ATXN2: variants seen among roughly 807,000 people sequenced by gnomAD.
The protein encoded by ATXN2 is ataxin 2.
A neutral mutation model predicts 138.6 loss-of-function variants in ATXN2; 37 were observed. That is an observed-to-expected ratio of 0.27 (90% CI 0.21 to 0.35). The LOEUF (loss-of-function observed/expected upper bound fraction) is 0.35, where lower values mean the gene tolerates loss of function less well. Among genes scored for constraint, ATXN2 ranks in the 10% least tolerant of loss-of-function variants. The pLI, the probability that ATXN2 is intolerant of heterozygous loss-of-function variation, is 1.00. For missense variants in ATXN2, 1,216 were observed against 1,480.3 expected (o/e 0.82, Z 2.93); for synonymous variants, 549 against 543.7 (o/e 1.01, Z -0.13).
chr12:111,538,106 A>G (rs75639973), intron 5 of ATXN2, among the ~76,000 whole-genome samples: 1 of 143,768 alleles, frequency 7.0e-6, no homozygotes, highest in East Asian at 2.0e-4. Context: ...AAAATAGAAG[A>G]AAAAAAAAAA....
rs1375690844 is a variant in ATXN2 at position 111,486,694 on chromosome 12, A to G, written c.2304+67T>C. The G allele has an allele frequency of 3.0e-6, 4 of 1,352,714 alleles. No homozygotes were observed. The African/African-American group carries it at 5.8e-5, about 20-fold the overall frequency. The allele number at this position is 1,352,714 out of a possible 1,614,324, so 83.8% of individuals were successfully genotyped here. On this transcript the variant is annotated intron_variant, in intron 16 of 24. Transcript: ENST00000673436. ...AAAATTCAGATGGCAGGTATGGAAG[A>G]AGGACTATTACTAATAATTTTTCTT...
At chr12:111,497,602 G>A (rs974972717) in intron 14 of ATXN2, among the ~76,000 whole-genome samples, 1 of 151,374 alleles carries the variant, frequency 6.6e-6, no homozygotes, top group East Asian at 1.9e-4. Flanking sequence ...CATCTTAACA[G>A]AATAAAAGAC....
chr12:111,591,170 T>C (rs1293702134), intron 1 of ATXN2, among the ~76,000 whole-genome samples: 1 of 152,066 alleles, frequency 6.6e-6, no homozygotes, highest in East Asian at 1.9e-4. Context: ...ATTACAGGCG[T>C]GAGCCACCGT....
At chr12:111,566,486 C>A (rs1214695287) in intron 1 of ATXN2, among the ~76,000 whole-genome samples, 1 of 151,304 alleles carries the variant, frequency 6.6e-6, no homozygotes, top group Non-Finnish European at 1.5e-5. Context: ...AAGGCTACTA[C>A]TGCCATTCAT....
intron 14 of ATXN2, among the ~76,000 whole-genome samples, chr12:111,507,210 G>T (rs1879189594): frequency 6.6e-6 from 1 of 151,770 alleles, no homozygotes; most frequent in African/African-American, 2.4e-5. Context: ...ATCCCGTCTA[G>T]GAAGTGAGGA....
chr12:111,485,209 TACTC>T (rs1289392367), intron 18 of ATXN2, 52 bp downstream of exon 18: 37 of 1,486,604 alleles, frequency 2.5e-5, no homozygotes, highest in Non-Finnish European at 3.4e-5. Flanking sequence ...TAAACTTAGT[TACTC>T]AATTCATGCA....
At chr12:111,597,947 C>A in intron 1 of ATXN2, 2 of 1,248,284 alleles carry the variant, frequency 1.6e-6, no homozygotes, top group South Asian at 1.3e-5. Context: ...TCCACTGCGG[C>A]CTCGAACAGC....
chr12:111,515,767 CA>C lies in ATXN2; in HGVS notation c.1375+386del, dbSNP rs1354386182. 2.0e-5 allele frequency among the ~76,000 whole-genome samples: 3 copies of C among 152,276 alleles called. No homozygotes were observed. In the East Asian group the frequency reaches 5.8e-4, roughly 29 times the overall value. ...CCTGCTTATGGCCAATAGGAAGGTTCACTAGGACCTTGGCCAAAGAGCTGTA... is the reference window on the plus strand; with the variant it reads ...CCTGCTTATGGCCAATAGGAAGGTTCCTAGGACCTTGGCCAAAGAGCTGTA... On this transcript the variant is annotated intron_variant, in intron 10 of 24. Coordinates refer to ENST00000673436, the MANE Select transcript of ATXN2 (RefSeq NM_001372574.1).
chr12:111,504,462 T>C (rs1262953313), intron 14 of ATXN2, among the ~76,000 whole-genome samples: 1 of 152,136 alleles, frequency 6.6e-6, no homozygotes, highest in African/African-American at 2.4e-5. Flanking sequence ...AGGTAATTTT[T>C]GTATTTTTAG....
At chr12:111,553,124 T>C in intron 3 of ATXN2, 147 bp from the exon 4 acceptor site, 1 of 465,680 alleles carries the variant, frequency 2.1e-6, no homozygotes, top group Non-Finnish European at 3.6e-6. Context: ...TTCAAAACAT[T>C]AACAATACAC....
At chr12:111,597,746 C>A in intron 1 of ATXN2, 1 of 804,044 alleles carries the variant, frequency 1.2e-6, no homozygotes, top group Non-Finnish European at 1.8e-6. Flanking sequence ...AGTAAACACC[C>A]GCCTTTCTGC....
chr12:111,466,915 T>C (rs1250356355), intron 20 of ATXN2, among the ~76,000 whole-genome samples: 2 of 152,064 alleles, frequency 1.3e-5, no homozygotes, highest in African/African-American at 2.4e-5. Context: ...ATATTTAATA[T>C]ATTTATAAAA....
intron 14 of ATXN2, among the ~76,000 whole-genome samples, chr12:111,491,586 G>C (rs529323026): frequency 1.3e-5 from 2 of 152,200 alleles, no homozygotes; most frequent in Admixed American, 6.5e-5. Flanking sequence ...ACCAAGCATA[G>C]TTCTGAAGCC....
chr12:111,581,798 G>C (rs1170189710), intron 1 of ATXN2: 2 of 508,584 alleles, frequency 3.9e-6, no homozygotes, highest in African/African-American at 3.9e-5. Context: ...GCATTATCTA[G>C]GCCAGGAGCT....
chr12:111,566,986 T>C (rs1439802471), intron 1 of ATXN2, among the ~76,000 whole-genome samples: 1 of 152,114 alleles, frequency 6.6e-6, no homozygotes, highest in African/African-American at 2.4e-5. Flanking sequence ...GTTCAGGACT[T>C]CAGTAGAGCA....
intron 20 of ATXN2, among the ~76,000 whole-genome samples, chr12:111,466,899 G>T (rs6490144): frequency 1.3e-5 from 2 of 151,872 alleles, no homozygotes; most frequent in Non-Finnish European, 2.9e-5. Flanking sequence ...GAAAATTTAT[G>T]ACAATATATT....
chr12:111,599,436 C>G, upstream of ATXN2: 2 of 1,189,654 alleles, frequency 1.7e-6, no homozygotes, highest in Non-Finnish European at 2.1e-6. Context: ...GAGCGCCACC[C>G]GGGCCACCTG....
intron 6 of ATXN2, among the ~76,000 whole-genome samples, chr12:111,522,113 G>A (rs1381644822): frequency 2.6e-5 from 4 of 151,676 alleles, no homozygotes; most frequent in African/African-American, 9.7e-5. Context: ...GCTACTCCAG[G>A]TAAGACTATA....
At position 111,525,537 on chromosome 12, in the gene ATXN2, T is replaced by C. The variant is rs1486270031; in HGVS notation, c.572-221A>G. Among the ~76,000 whole-genome samples the C allele has an allele frequency of 2.6e-5, 4 of 152,222 alleles. No individual in the cohort carries two copies. In the South Asian group the frequency reaches 8.3e-4, roughly 31 times the overall value. On this transcript the variant is annotated intron_variant, in intron 5 of 24. Transcript: ENST00000673436. The stretch of plus-strand genomic sequence containing the variant: ...ATAATAAAGGTAAACTTAAAACTTA[T>C]GTATGTGAAGATAAACTGCTATCTA...
Sources: allele counts gnomAD v4.1 joint callset (sites outside exome capture counted in the v4.1 genomes callset), GRCh38; gene constraint gnomAD v4.1.1; transcripts MANE v1.5; gene names NCBI Gene and HGNC (gene_info 2026-07-23, HGNC 2026-07-21).